CDC73: variants seen among roughly 807,000 people sequenced by gnomAD.
CDC73 encodes the protein parafibromin.
Under a neutral mutation model 83.7 loss-of-function variants are expected in CDC73, and 21 were observed. That is an observed-to-expected ratio of 0.25 (90% confidence interval 0.18 to 0.36). CDC73 has a LOEUF of 0.36. CDC73 is among the 10% of genes least tolerant of loss of function. The pLI, the probability that CDC73 is intolerant of heterozygous loss-of-function variation, is 1.00. For synonymous variants in CDC73, 224 were observed against 212.9 expected, an observed-to-expected ratio of 1.05 and a Z score of -0.45; for missense variants, 342 against 653.3, an observed-to-expected ratio of 0.52 and a Z score of 5.19.
chr1:193,180,483 A>G (rs370436125), intron 10 of CDC73: 5 of 1,613,912 alleles, frequency 3.1e-6, no homozygotes, highest in Non-Finnish European at 1.7e-6. Flanking sequence ...ACACAAACTC[A>G]TTGGGAGGGG....
Position 193,122,037 on chromosome 1 carries a change from GC to G in CDC73, c.-160del, listed in dbSNP as rs1675456020. On this transcript the variant is annotated 5_prime_UTR_variant, in exon 1 of 17. Coordinates refer to ENST00000367435, the MANE Select transcript of CDC73 (RefSeq NM_024529.5). ...GTCCTCGGCGGCCTGGGTGGCTACT[GC>G]CCCTGCTGCTGTCGTAGGCGAGGAC... 3 of 665,716 alleles carry G rather than the reference GC, an allele frequency of 4.5e-6. No homozygotes were observed. Among genetic ancestry groups the G allele is most frequent in the Non-Finnish European group, 7.9e-6 (3 of 378,338 alleles). 41.2% of individuals were successfully genotyped at this position (665,716 alleles called of 1,614,324 possible).
intron 13 of CDC73, among the ~76,000 whole-genome samples, chr1:193,221,552 TA>T (rs1193460250): frequency 2.0e-5 from 3 of 152,028 alleles, no homozygotes; most frequent in Non-Finnish European, 2.9e-5. Flanking sequence ...TGTGGAATGT[TA>T]AAAAAAAGAA....
rs1159608456 is a variant in CDC73, at chr1:193,188,780, ATTGAGTCC to A, written c.973-15014_973-15007del. On this transcript the variant is annotated intron_variant, in intron 10 of 16. Coordinates refer to ENST00000367435, the MANE Select transcript of CDC73 (RefSeq NM_024529.5). ...CATTAGTGGGTCCCTCCAGTATCGGATTGAGTCCCTGAATTTCCAGTGGGACCCCCCCG... is the reference window on the plus strand; with the variant it reads ...CATTAGTGGGTCCCTCCAGTATCGGACTGAATTTCCAGTGGGACCCCCCCG... 5.3e-5 allele frequency among the ~76,000 whole-genome samples: 8 copies of A among 152,132 alleles called. No individual in the cohort carries two copies. The East Asian group carries it at 1.4e-3, about 26-fold the overall frequency.
chr1:193,193,193 C>T (rs1471900151), intron 10 of CDC73, among the ~76,000 whole-genome samples: 1 of 152,212 alleles, frequency 6.6e-6, no homozygotes, highest in East Asian at 1.9e-4. Flanking sequence ...CTGCCCCCAA[C>T]TTCTTAGGCT....
chr1:193,236,741 A>G (rs996426980), intron 15 of CDC73: 4 of 251,048 alleles, frequency 1.6e-5, no homozygotes, highest in Middle Eastern at 1.5e-3. Flanking sequence ...CTAAAAATAC[A>G]AAATTAGCCG....
chr1:193,224,239 A>G (rs563639922), intron 13 of CDC73, among the ~76,000 whole-genome samples: 88 of 151,940 alleles, frequency 5.8e-4, no homozygotes, highest in Non-Finnish European at 1.0e-3. Context: ...TTATTGTTGC[A>G]GTTACTTAGG....
At chr1:193,236,398 T>C (rs753735931) in intron 15 of CDC73, 42 bp downstream of exon 15, 6 of 1,231,386 alleles carry the variant, frequency 4.9e-6, no homozygotes, top group South Asian at 1.2e-5. Context: ...TATAGAAATG[T>C]TCTCACTTTA....
Position 193,224,549 on chromosome 1 carries a change from C to CAT in CDC73, c.1155-8443_1155-8442dup, listed in dbSNP as rs1380143679. 1.1e-4 allele frequency among the ~76,000 whole-genome samples: 16 copies of CAT among 151,550 alleles called. No individual in the cohort carries two copies. In the East Asian group the frequency reaches 2.9e-3, roughly 28 times the overall value. Reference sequence around the variant, plus strand: ...TATGAAATATGCATTCACATATACACATGTGAAATATGCATTCACATATAC... The same window carrying CAT: ...TATGAAATATGCATTCACATATACACATATGTGAAATATGCATTCACATATAC... On this transcript the variant is annotated intron_variant, in intron 13 of 16. Transcript: ENST00000367435.
intron 13 of CDC73, among the ~76,000 whole-genome samples, chr1:193,230,454 C>G (rs1378603202): frequency 7.5e-6 from 1 of 134,030 alleles, no homozygotes; most frequent in Non-Finnish European, 1.6e-5. Flanking sequence ...GCCCTAATCC[C>G]GTATTTTTTT....
chr1:193,142,368 C>T (rs940853428), intron 7 of CDC73, among the ~76,000 whole-genome samples: 1 of 152,058 alleles, frequency 6.6e-6, no homozygotes, highest in African/African-American at 2.4e-5. Flanking sequence ...TTTGCTTAAA[C>T]CTAATAAATG....
At chr1:193,122,929 G>A (rs1048191869) in intron 1 of CDC73, among the ~76,000 whole-genome samples, 6 of 152,174 alleles carry the variant, frequency 3.9e-5, no homozygotes, top group Admixed American at 2.0e-4. Context: ...GGTGAAATGA[G>A]TGAGCTTTAC....
At position 193,203,826 on chromosome 1, in the gene CDC73, C is replaced by G. The variant is rs1476163101; in HGVS notation, c.1004C>G (p.Pro335Arg). 8 of 1,613,720 alleles carry G rather than the reference C, an allele frequency of 5.0e-6. No individual in the cohort carries two copies. Among genetic ancestry groups the G allele is most frequent in the African/African-American group, 1.3e-5 (1 of 74,894 alleles). The stretch of plus-strand genomic sequence containing the variant: ...GCATCTGCCCGGAAGACTCAGACTC[C>G]TGCAGCCCAGCCAGTACCAAGACCA... ...EGASARKTQT[P>R]AAQPVPRPVS... Residue 335 changes from proline (P) to arginine (R), a missense_variant, in exon 11 of 17, where the codon CCT (proline) becomes CGT (arginine). Pro to Arg is a moderately radical substitution (Grantham distance 103). Transcript: ENST00000367435.
chr1:193,150,192 G>A, intron 8 of CDC73, 112 bp from the exon 9 acceptor site: 2 of 745,734 alleles, frequency 2.7e-6, no homozygotes, highest in South Asian at 1.5e-5. Flanking sequence ...GATCACTTGG[G>A]CCCAGGAGGT....
chr1:193,197,045 C>G (rs1387999180), intron 10 of CDC73, among the ~76,000 whole-genome samples: 1 of 152,130 alleles, frequency 6.6e-6, no homozygotes, highest in Non-Finnish European at 1.5e-5. Flanking sequence ...TTGTCTTTTA[C>G]CATTGAGTAA....
chr1:193,130,358 T>C, intron 3 of CDC73, 115 bp downstream of exon 3: 1 of 755,996 alleles, frequency 1.3e-6, no homozygotes, highest in Non-Finnish European at 2.3e-6. Context: ...TTAACCTACC[T>C]TCATTTTTGT....
intron 7 of CDC73, among the ~76,000 whole-genome samples, chr1:193,147,061 C>T (rs987433611): frequency 1.5e-4 from 23 of 149,656 alleles, no homozygotes; most frequent in African/African-American, 4.7e-4. Context: ...GGCGCTATCA[C>T]GGCTCACTGC....
intron 10 of CDC73, among the ~76,000 whole-genome samples, chr1:193,185,845 C>G (rs1186224867): frequency 6.6e-6 from 1 of 152,122 alleles, no homozygotes; most frequent in African/African-American, 2.4e-5. Context: ...CTGCATAAAG[C>G]AGTGACAGCT....
intron 10 of CDC73, among the ~76,000 whole-genome samples, chr1:193,166,797 G>A (rs1438087648): frequency 2.6e-5 from 4 of 151,868 alleles, no homozygotes; most frequent in African/African-American, 7.3e-5. Context: ...ACAGTTATGC[G>A]CCACCACGCC....
Position 193,250,812 on chromosome 1 carries a change from C to A in CDC73, c.*100C>A, listed in dbSNP as rs899353781. 1 of 1,069,348 alleles carries A rather than the reference C, an allele frequency of 9.4e-7. No individual in the cohort carries two copies. The highest frequency in any genetic ancestry group is 1.4e-6 in the Non-Finnish European group (1 of 693,858). The allele number at this position is 1,069,348 out of a possible 1,614,324, so 66.2% of individuals were successfully genotyped here. On this transcript the variant is annotated 3_prime_UTR_variant, in exon 17 of 17. Coordinates refer to ENST00000367435, the MANE Select transcript of CDC73 (RefSeq NM_024529.5). ...GGTCACAGATTGATCTTTTATAAGA[C>A]CTTATTTGATGCTTTGTGCTTCAAG...
Sources: gnomAD v4.1 joint callset for allele counts (sites outside exome capture counted in the v4.1 genomes callset) on GRCh38, gnomAD v4.1.1 for gene constraint, MANE v1.5 for transcripts, NCBI Gene and HGNC (gene_info 2026-07-23, HGNC 2026-07-21) for gene names.